The following TXNRD2 variants were observed in gnomAD, a reference collection of about 807,000 sequenced individuals.
TXNRD2 encodes the protein thioredoxin reductase 2, also known as thioredoxin reductase 2, mitochondrial.
In TXNRD2, 67 loss-of-function variants were observed where a neutral mutation model predicts 70.8. The observed-to-expected ratio is 0.95, with a 90% CI of 0.78 to 1.16. TXNRD2 has a LOEUF of 1.16. TXNRD2 is among the 50% of genes most tolerant of loss of function. The pLI, the probability that TXNRD2 is intolerant of heterozygous loss-of-function variation, is 0.00. For missense variants in TXNRD2, 644 were observed against 719.9 expected, an observed-to-expected ratio of 0.89 and a Z score of 1.21; for synonymous variants, 301 against 295.8, an observed-to-expected ratio of 1.02 and a Z score of -0.18.
At chr22:19,937,490 G>A (rs535783842) in intron 1 of TXNRD2, among the ~76,000 whole-genome samples, 1 of 152,300 alleles carries the variant, frequency 6.6e-6, no homozygotes, top group African/African-American at 2.4e-5. Flanking sequence ...CGAACCATGA[G>A]TGTAAAATGG....
At chr22:19,882,072 A>G (rs1938804418) in intron 12 of TXNRD2, among the ~76,000 whole-genome samples, 1 of 152,226 alleles carries the variant, frequency 6.6e-6, no homozygotes, top group African/African-American at 2.4e-5. Flanking sequence ...GAGGCAAATC[A>G]GGGCCCAGAG....
At chr22:19,903,870 T>C (rs984890446) in intron 8 of TXNRD2, among the ~76,000 whole-genome samples, 4 of 152,182 alleles carry the variant, frequency 2.6e-5, no homozygotes, top group African/African-American at 9.7e-5. Flanking sequence ...CACGTGCCCC[T>C]CCGCACCCCT....
intron 1 of TXNRD2, among the ~76,000 whole-genome samples, chr22:19,940,807 G>A (rs540850792): frequency 9.2e-5 from 14 of 152,302 alleles, no homozygotes; most frequent in Non-Finnish European, 1.9e-4. Flanking sequence ...ACGAGGTGGT[G>A]ACTGCCTCCC....
At chr22:19,892,051 T>C (rs1244732563) in intron 11 of TXNRD2, among the ~76,000 whole-genome samples, 1 of 152,340 alleles carries the variant, frequency 6.6e-6, no homozygotes, top group Middle Eastern at 3.4e-3. Context: ...TGTGTGTGTG[T>C]GCACCGGGCA....
At chr22:19,908,473 T>A (rs1159894591) in intron 8 of TXNRD2, among the ~76,000 whole-genome samples, 1 of 151,594 alleles carries the variant, frequency 6.6e-6, no homozygotes, top group Non-Finnish European at 1.5e-5. Flanking sequence ...AAATAAAAAT[T>A]AAAGAAAGAA....
chr22:19,925,203 A>G (rs551945498), intron 2 of TXNRD2, among the ~76,000 whole-genome samples: 51 of 151,872 alleles, frequency 3.4e-4, no homozygotes, highest in Middle Eastern at 3.4e-3. Flanking sequence ...AGAATGGCGC[A>G]AACCCGGGAG....
chr22:19,895,348 G>T, intron 11 of TXNRD2, 59 bp downstream of exon 11: 2 of 1,610,854 alleles, frequency 1.2e-6, no homozygotes, highest in South Asian at 2.2e-5. Flanking sequence ...GTGGGGCAAA[G>T]ATTCTCCATG....
chr22:19,914,059 AT>A (rs1388947861), intron 7 of TXNRD2, among the ~76,000 whole-genome samples: 10 of 152,260 alleles, frequency 6.6e-5, no homozygotes, highest in African/African-American at 2.2e-4. Context: ...GCATTAAATT[AT>A]TTGAAATGTT....
chr22:19,900,823 C>T (rs1311369273), intron 8 of TXNRD2, among the ~76,000 whole-genome samples: 2 of 152,222 alleles, frequency 1.3e-5, no homozygotes, highest in Non-Finnish European at 2.9e-5. Context: ...GCATATCCTG[C>T]CCTAAATGCA....
Position 19,919,170 on chromosome 22 carries a change from AAC to A in TXNRD2, c.230-168_230-167del, listed in dbSNP as rs146802029. ...CTCTATAACTGTACTCGAAAATAAAAACAGTTGTTTTTACTTTTTAATATTTA... is the reference window on the plus strand; with the variant it reads ...CTCTATAACTGTACTCGAAAATAAAAAGTTGTTTTTACTTTTTAATATTTA... On this transcript the variant is annotated intron_variant, in intron 3 of 17. Transcript: ENST00000400521. Among the ~76,000 whole-genome samples, 25,790 of 93,958 alleles carry A rather than the reference AAC, an allele frequency of 0.27. 3,576 individuals are homozygous for A. The highest frequency in any genetic ancestry group is 0.46 in the African/African-American group (13,086 of 28,146). 61.6% of individuals were successfully genotyped at this position (93,958 alleles called of 152,430 possible).
chr22:19,885,237 G>A (rs542218903), intron 11 of TXNRD2, among the ~76,000 whole-genome samples: 61 of 152,336 alleles, frequency 4.0e-4, no homozygotes, highest in African/African-American at 1.2e-3. Context: ...CGGCTCCCAG[G>A]GGCTCAGGAT....
chr22:19,897,173 C>T (rs776365833), intron 10 of TXNRD2, among the ~76,000 whole-genome samples: 2 of 152,174 alleles, frequency 1.3e-5, no homozygotes, highest in Non-Finnish European at 2.9e-5. Context: ...TGGAACAACA[C>T]ATGGCCACAC....
chr22:19,911,310 C>T lies in TXNRD2; in HGVS notation c.662+67G>A. On this transcript the variant is annotated intron_variant, in intron 8 of 17. Transcript: ENST00000400521. ...CCCAGGAGCCCAGCACCAGCACAGG[C>T]TCTAAGGGTCCAGTGCTCACTCTGG... 13 of 1,279,304 alleles carry T rather than the reference C, an allele frequency of 1.0e-5. No homozygotes were observed. The South Asian group carries it at 1.6e-4, about 15-fold the overall frequency. 79.2% of individuals were successfully genotyped at this position (1,279,304 alleles called of 1,614,324 possible).
At chr22:19,904,118 C>A (rs1378864848) in intron 8 of TXNRD2, among the ~76,000 whole-genome samples, 1 of 152,190 alleles carries the variant, frequency 6.6e-6, no homozygotes, top group Non-Finnish European at 1.5e-5. Flanking sequence ...GAGGACAGTC[C>A]CTTGCGCCAG....
chr22:19,877,006 C>A, intron 17 of TXNRD2, 34 bp downstream of exon 17: 2 of 1,443,300 alleles, frequency 1.4e-6, no homozygotes, highest in East Asian at 2.5e-5. Context: ...GCCACATGCC[C>A]TGTCCTCAAA....
At chr22:19,926,574 G>A (rs184636493) in intron 2 of TXNRD2, among the ~76,000 whole-genome samples, 116 of 152,230 alleles carry the variant, frequency 7.6e-4, no homozygotes, top group Non-Finnish European at 1.4e-3. Flanking sequence ...GAGGTCAAGA[G>A]TTCAAGACCA....
chr22:19,894,957 G>C (rs751030320), intron 11 of TXNRD2: 5 of 1,401,384 alleles, frequency 3.6e-6, no homozygotes, highest in Non-Finnish European at 4.6e-6. Context: ...GCGACAGAGC[G>C]AGACTCCATC....
chr22:19,892,056 C>T (rs1015937557), intron 11 of TXNRD2, among the ~76,000 whole-genome samples: 6 of 152,176 alleles, frequency 3.9e-5, no homozygotes, highest in African/African-American at 1.2e-4. Context: ...GTGTGTGCAC[C>T]GGGCACGGAG....
Position 19,933,493 on chromosome 22 carries a change from T to C in TXNRD2, c.104-2395A>G, listed in dbSNP as rs1360425321. Reference sequence around the variant, plus strand: ...TAGCAGGGCCCTTGTTAGGTCATCCTGCCCTGCAGCCTCGCACTGTGCCCC... The same window carrying C: ...TAGCAGGGCCCTTGTTAGGTCATCCCGCCCTGCAGCCTCGCACTGTGCCCC... On this transcript the variant is annotated intron_variant, in intron 1 of 17. Transcript: ENST00000400521. 4.7e-6 allele frequency: 6 copies of C among 1,289,516 alleles called. No homozygotes were observed. In the East Asian group the frequency reaches 2.8e-4, roughly 60 times the overall value. The allele number at this position is 1,289,516 out of a possible 1,614,324, so 79.9% of individuals were successfully genotyped here.
Sources: allele counts gnomAD v4.1 joint callset (sites outside exome capture counted in the v4.1 genomes callset), GRCh38; gene constraint gnomAD v4.1.1; transcripts MANE v1.5; gene names NCBI Gene and HGNC (gene_info 2026-07-23, HGNC 2026-07-21).